The following PIP5K1B variants were observed in gnomAD, a reference collection of about 807,000 sequenced individuals.
The protein encoded by PIP5K1B is phosphatidylinositol 4-phosphate 5-kinase type-1 beta.
A neutral mutation model predicts 67.0 loss-of-function variants in PIP5K1B; 42 were observed. The observed-to-expected ratio is 0.63, with a 90% CI of 0.49 to 0.81. The LOEUF is 0.81. Ranked by LOEUF, PIP5K1B falls within the 30% of genes least tolerant of loss-of-function variation. The pLI, the probability that PIP5K1B is intolerant of heterozygous loss-of-function variation, is 0.00. For missense variants in PIP5K1B, 459 were observed against 646.3 expected, an observed-to-expected ratio of 0.71 and a Z score of 3.14; for synonymous variants, 214 against 231.4, an observed-to-expected ratio of 0.92 and a Z score of 0.68.
intron 8 of PIP5K1B, among the ~76,000 whole-genome samples, chr9:68,903,486 C>G (rs1825462513): frequency 6.6e-6 from 1 of 152,200 alleles, no homozygotes; most frequent in South Asian, 2.1e-4. Context: ...TCTTCATCCT[C>G]TCAGTTTTTA....
chr9:68,935,678 A>G (rs1827228075), intron 13 of PIP5K1B, among the ~76,000 whole-genome samples: 1 of 152,218 alleles, frequency 6.6e-6, no homozygotes, highest in Non-Finnish European at 1.5e-5. Flanking sequence ...ATGTACACAT[A>G]CACATATGCA....
chr9:68,987,330 G>A (rs746792619), intron 14 of PIP5K1B, among the ~76,000 whole-genome samples: 3 of 152,122 alleles, frequency 2.0e-5, no homozygotes, highest in Non-Finnish European at 4.4e-5. Context: ...TTGGGAGGCC[G>A]AGGTGAGCAG....
chr9:68,891,368 G>A (rs1357074162), intron 7 of PIP5K1B, among the ~76,000 whole-genome samples: 1 of 151,574 alleles, frequency 6.6e-6, no homozygotes, highest in Admixed American at 6.6e-5. Context: ...TACCCAAATA[G>A]ATGTTGAGGA....
chr9:68,788,345 A>G, intron 2 of PIP5K1B: 1 of 940,760 alleles, frequency 1.1e-6, no homozygotes, highest in Non-Finnish European at 1.6e-6. Flanking sequence ...TTGGTCATGT[A>G]TTTTATGCCC....
chr9:68,951,664 T>G (rs1193069404), intron 14 of PIP5K1B, among the ~76,000 whole-genome samples: 1 of 152,222 alleles, frequency 6.6e-6, no homozygotes, highest in African/African-American at 2.4e-5. Flanking sequence ...GAGGGAACTT[T>G]GGCCATCATG....
At chr9:68,795,063 C>T (rs1564141642) in intron 2 of PIP5K1B, among the ~76,000 whole-genome samples, 1 of 152,188 alleles carries the variant, frequency 6.6e-6, no homozygotes, top group Non-Finnish European at 1.5e-5. Flanking sequence ...ATGGAATGTC[C>T]TCTGATCCTT....
chr9:68,993,369 T>C lies in PIP5K1B; in HGVS notation c.1620+2112T>C, dbSNP rs114748278. On this transcript the variant is annotated intron_variant, in intron 15 of 15. Coordinates refer to ENST00000265382, the MANE Select transcript of PIP5K1B (RefSeq NM_003558.4). ...TGTGTATTCTTTTCCACCTATCCCA[T>C]GCTCCCTCACTTCCTTCAGGTCTCA... Among the ~76,000 whole-genome samples, 333 of 152,314 alleles carry C rather than the reference T, an allele frequency of 2.2e-3. 3 individuals are homozygous for C. The highest frequency in any genetic ancestry group is 7.8e-3 in the African/African-American group (323 of 41,562).
At chr9:68,761,688 T>G (rs1830191918) in intron 2 of PIP5K1B, among the ~76,000 whole-genome samples, 1 of 152,122 alleles carries the variant, frequency 6.6e-6, no homozygotes, top group Non-Finnish European at 1.5e-5. Context: ...CTGCAGTAGC[T>G]GGTTAAGTCT....
intron 1 of PIP5K1B, among the ~76,000 whole-genome samples, chr9:68,738,173 T>G (rs1425155740): frequency 6.6e-6 from 1 of 152,218 alleles, no homozygotes; most frequent in Non-Finnish European, 1.5e-5. Context: ...TGGCTGATGA[T>G]GTAAACCTAT....
At chr9:68,929,953 A>G (rs1217186017) in intron 12 of PIP5K1B, among the ~76,000 whole-genome samples, 1 of 152,236 alleles carries the variant, frequency 6.6e-6, no homozygotes, top group Non-Finnish European at 1.5e-5. Flanking sequence ...TACAGGTGTG[A>G]GCCACCGCAC....
chr9:68,764,687 G>A (rs966712629), intron 2 of PIP5K1B, among the ~76,000 whole-genome samples: 3 of 151,982 alleles, frequency 2.0e-5, no homozygotes, highest in Non-Finnish European at 4.4e-5. Flanking sequence ...GCAATAATTT[G>A]TCAAAACAAA....
chr9:68,826,298 C>T (rs1253357345), intron 4 of PIP5K1B, among the ~76,000 whole-genome samples: 3 of 152,044 alleles, frequency 2.0e-5, no homozygotes, highest in Non-Finnish European at 4.4e-5. Flanking sequence ...AGTGAGAAAA[C>T]GAGGGGACCA....
At chr9:68,856,752 A>G (rs1215138601) in intron 4 of PIP5K1B, among the ~76,000 whole-genome samples, 1 of 152,228 alleles carries the variant, frequency 6.6e-6, no homozygotes, top group Non-Finnish European at 1.5e-5. Flanking sequence ...CTCTGACTGA[A>G]TGGGGTTCTG....
In PIP5K1B at chr9:68,944,335, T is replaced by G. The variant is rs531814863; in HGVS notation, c.1502+3545T>G. On this transcript the variant is annotated intron_variant, in intron 14 of 15. Coordinates refer to ENST00000265382, the MANE Select transcript of PIP5K1B (RefSeq NM_003558.4). Reference sequence around the variant, plus strand: ...GTTTTACCTCAAAGTTAAGAACAATTTCATTTAATGTTGTAGAAATAGGTT... The same window carrying G: ...GTTTTACCTCAAAGTTAAGAACAATGTCATTTAATGTTGTAGAAATAGGTT... Among the ~76,000 whole-genome samples the G allele has an allele frequency of 2.6e-5, 4 of 152,376 alleles. No homozygotes were observed. The East Asian group carries it at 7.7e-4, about 29-fold the overall frequency.
chr9:68,830,057 G>A (rs1323585543), intron 4 of PIP5K1B, among the ~76,000 whole-genome samples: 2 of 152,070 alleles, frequency 1.3e-5, no homozygotes, highest in African/African-American at 2.4e-5. Context: ...TAAAATCAGA[G>A]AGAAAGATGT....
intron 1 of PIP5K1B, among the ~76,000 whole-genome samples, chr9:68,730,828 C>A (rs918445913): frequency 2.6e-5 from 4 of 152,072 alleles, no homozygotes; most frequent in Non-Finnish European, 4.4e-5. Context: ...AAATTCAAAT[C>A]GACTAGGTTG....
chr9:68,739,413 A>G (rs1307475938), intron 1 of PIP5K1B, among the ~76,000 whole-genome samples: 2 of 152,216 alleles, frequency 1.3e-5, no homozygotes, highest in Non-Finnish European at 2.9e-5. Context: ...ACTGAGGGAT[A>G]TAGTAGTATA....
intron 2 of PIP5K1B, among the ~76,000 whole-genome samples, chr9:68,765,182 C>T (rs772653272): frequency 1.5e-4 from 23 of 151,910 alleles, no homozygotes; most frequent in Non-Finnish European, 2.8e-4. Flanking sequence ...TATTTAAAAA[C>T]GAAAGCTCTG....
At chr9:68,973,641 A>G (rs929778724) in intron 14 of PIP5K1B, among the ~76,000 whole-genome samples, 2 of 152,202 alleles carry the variant, frequency 1.3e-5, no homozygotes, top group African/African-American at 4.8e-5. Context: ...CCAAGGGCCT[A>G]ATCATTTATT....
Sources: allele counts gnomAD v4.1 joint callset (sites outside exome capture counted in the v4.1 genomes callset), GRCh38; gene constraint gnomAD v4.1.1; transcripts MANE v1.5; gene names NCBI Gene and HGNC (gene_info 2026-07-23, HGNC 2026-07-21).